The following PRKN variants were observed in gnomAD, a reference collection of about 807,000 sequenced individuals.
PRKN encodes E3 ubiquitin-protein ligase parkin.
A neutral mutation model predicts 59.5 loss-of-function variants in PRKN; 56 were observed. The observed-to-expected ratio is 0.94, with a 90% CI of 0.76 to 1.18. The LOEUF (loss-of-function observed/expected upper bound fraction) is 1.18, where lower values mean the gene tolerates loss of function less well. PRKN is among the 50% of genes most tolerant of loss of function. PRKN has a pLI of 0.00. For synonymous variants in PRKN, 250 were observed against 222.1 expected (o/e 1.13, Z -1.12); for missense variants, 657 against 596.4 (o/e 1.10, Z -1.06).
chr6:162,503,361 G>A (rs923190720), intron 1 of PRKN, among the ~76,000 whole-genome samples: 4 of 151,608 alleles, frequency 2.6e-5, no homozygotes, highest in East Asian at 1.9e-4. Context: ...ACGGGGTTTC[G>A]CCATGTTGGG....
chr6:161,622,343 G>A (rs1445709964), intron 7 of PRKN, among the ~76,000 whole-genome samples: 5 of 152,150 alleles, frequency 3.3e-5, no homozygotes. Context: ...GGCTCTGATG[G>A]TAGGCTCCGT....
chr6:162,629,955 A>C (rs1255925851), intron 1 of PRKN, among the ~76,000 whole-genome samples: 1 of 152,190 alleles, frequency 6.6e-6, no homozygotes, highest in African/African-American at 2.4e-5. Context: ...CTTTCATTAC[A>C]TTCTACTTCT....
chr6:162,261,355 T>C (rs1779878048), intron 3 of PRKN, among the ~76,000 whole-genome samples: 1 of 152,158 alleles, frequency 6.6e-6, no homozygotes, highest in Non-Finnish European at 1.5e-5. Flanking sequence ...GTGGCATATT[T>C]TGGGGTGGCA....
Position 161,593,598 on chromosome 6 carries a change from A to G in PRKN, c.872-24182T>C, listed in dbSNP as rs1280272911. Among the ~76,000 whole-genome samples the G allele has an allele frequency of 1.3e-5, 2 of 152,044 alleles. No homozygotes were observed. Among genetic ancestry groups the G allele is most frequent in the African/African-American group, 4.8e-5 (2 of 41,402 alleles). On this transcript the variant is annotated intron_variant, in intron 7 of 11. Transcript: ENST00000366898. This position sits in a 1 kb window ranked among gnomAD's most constrained non-coding sequence, Gnocchi z 4.8. Reference sequence around the variant, plus strand: ...GTCTTGCTGGTGGGCTGCCCTGTGGAGCAGACAAAGGAAAAGGAGGCAGGG... The same window carrying G: ...GTCTTGCTGGTGGGCTGCCCTGTGGGGCAGACAAAGGAAAAGGAGGCAGGG...
At chr6:162,461,539 G>GA (rs1791177490) in intron 1 of PRKN, among the ~76,000 whole-genome samples, 2 of 97,978 alleles carry the variant, frequency 2.0e-5, no homozygotes, top group Admixed American at 1.1e-4. Flanking sequence ...GAAAGAAAAA[G>GA]AAAAGAAAAG....
intron 8 of PRKN, among the ~76,000 whole-genome samples, chr6:161,567,095 G>A (rs1583236809): frequency 7.0e-6 from 1 of 142,720 alleles, no homozygotes; most frequent in Non-Finnish European, 1.5e-5. Context: ...CTAGACTGCA[G>A]TGGCACAATC....
intron 5 of PRKN, among the ~76,000 whole-genome samples, chr6:161,986,276 C>G (rs540030278): frequency 4.6e-5 from 7 of 152,310 alleles, no homozygotes; most frequent in Admixed American, 1.3e-4. Flanking sequence ...CAGAAGCAGT[C>G]ACAGAGCTGT....
At chr6:161,904,258 A>G (rs181982788) in intron 6 of PRKN, among the ~76,000 whole-genome samples, 5 of 150,832 alleles carry the variant, frequency 3.3e-5, no homozygotes, top group African/African-American at 1.2e-4. Flanking sequence ...AAAAATAGCC[A>G]GACCTTTTTT....
chr6:162,272,114 G>A lies in PRKN; in HGVS notation c.172-9349C>T, dbSNP rs531583638. On this transcript the variant is annotated intron_variant, in intron 2 of 11. Transcript: ENST00000366898. ...ACACCAGAGGGGCTCCATAGGGGGCGGGAGGGGGGACCGCTCAGGAATCAC... is the reference window on the plus strand; with the variant it reads ...ACACCAGAGGGGCTCCATAGGGGGCAGGAGGGGGGACCGCTCAGGAATCAC... Among the ~76,000 whole-genome samples the A allele has an allele frequency of 1.4e-4, 21 of 152,242 alleles. No individual in the cohort carries two copies. In the South Asian group the frequency reaches 1.7e-3, roughly 12 times the overall value.
chr6:162,653,708 C>T (rs1386433402), intron 1 of PRKN, among the ~76,000 whole-genome samples: 1 of 152,110 alleles, frequency 6.6e-6, no homozygotes, highest in African/African-American at 2.4e-5. Context: ...ATCTACTTCA[C>T]AGTGCTACTG....
chr6:162,402,984 G>A (rs1397311066), intron 2 of PRKN, among the ~76,000 whole-genome samples: 2 of 152,026 alleles, frequency 1.3e-5, no homozygotes, highest in Non-Finnish European at 2.9e-5. Context: ...GGGATATCTG[G>A]CCAGTGTTGG....
At chr6:162,517,115 C>T (rs1020193544) in intron 1 of PRKN, among the ~76,000 whole-genome samples, 10 of 150,040 alleles carry the variant, frequency 6.7e-5, no homozygotes, top group Non-Finnish European at 1.5e-4. Flanking sequence ...CTTACATCAA[C>T]AGTTTATACA....
intron 2 of PRKN, among the ~76,000 whole-genome samples, chr6:162,375,980 A>C (rs576675824): frequency 1.3e-5 from 2 of 152,178 alleles, no homozygotes; most frequent in South Asian, 4.1e-4. Flanking sequence ...CCAGTTAATC[A>C]CCATCCTCCC....
intron 1 of PRKN, among the ~76,000 whole-genome samples, chr6:162,671,077 G>C (rs2849542): frequency 0.92 from 139,549 of 152,250 alleles, 64,124 homozygotes; most frequent in East Asian, 0.98. Flanking sequence ...TATCTATTTA[G>C]AGAAAAAAGG....
At chr6:162,661,748 A>G (rs1481610188) in intron 1 of PRKN, among the ~76,000 whole-genome samples, 2 of 152,190 alleles carry the variant, frequency 1.3e-5, no homozygotes, top group African/African-American at 4.8e-5. Flanking sequence ...AGTCCCTCAC[A>G]CTTTTCTTGA....
chr6:161,937,536 A>G (rs779174117), intron 6 of PRKN, among the ~76,000 whole-genome samples: 59 of 152,326 alleles, frequency 3.9e-4, no homozygotes, highest in Non-Finnish European at 7.1e-4. Flanking sequence ...ACAGTTTCAG[A>G]GATTTTTGGA....
intron 6 of PRKN, among the ~76,000 whole-genome samples, chr6:161,874,933 A>AATATATTATATGTACTTTATATATAAT (rs1794641944): frequency 2.2e-5 from 2 of 92,722 alleles, no homozygotes; most frequent in African/African-American, 1.1e-4. Context: ...TATAAAATAT[A>AATATATTATATGTACTTTATATATAAT]ATATAATATA....
At chr6:162,316,661 T>G (rs1336462203) in intron 2 of PRKN, among the ~76,000 whole-genome samples, 2 of 152,102 alleles carry the variant, frequency 1.3e-5, no homozygotes, top group African/African-American at 2.4e-5. Flanking sequence ...TGTTTTATGC[T>G]AATTAGGCTT....
At chr6:162,290,629 G>A (rs377532911) in intron 2 of PRKN, among the ~76,000 whole-genome samples, 17 of 152,014 alleles carry the variant, frequency 1.1e-4, no homozygotes, top group Admixed American at 3.3e-4. Flanking sequence ...TATTAATGCC[G>A]TAGATTTTCA....
Sources: allele counts gnomAD v4.1 joint callset (sites outside exome capture counted in the v4.1 genomes callset), GRCh38; gene constraint gnomAD v4.1.1; non-coding constraint Gnocchi (gnomAD v3.1); transcripts MANE v1.5; gene names NCBI Gene and HGNC (gene_info 2026-07-23, HGNC 2026-07-21).